ELAPOR1: variants seen among roughly 807,000 people sequenced by gnomAD.
ELAPOR1 encodes the protein endosome/lysosome-associated apoptosis and autophagy regulator 1.
A neutral mutation model predicts 119.7 loss-of-function variants in ELAPOR1; 77 were observed. The observed-to-expected ratio is 0.64, with a 90% CI of 0.54 to 0.78. The LOEUF is 0.78. Among genes scored for constraint, ELAPOR1 ranks in the 30% least tolerant of loss-of-function variants. The pLI, the probability that ELAPOR1 is intolerant of heterozygous loss-of-function variation, is 0.00. For synonymous variants in ELAPOR1, 481 were observed against 487.2 expected, an observed-to-expected ratio of 0.99 and a Z score of 0.17; for missense variants, 1,115 against 1,270.4, an observed-to-expected ratio of 0.88 and a Z score of 1.86.
intron 13 of ELAPOR1, 101 bp downstream of exon 13, chr1:109,191,964 G>A (rs1461180218): frequency 2.1e-6 from 3 of 1,423,792 alleles, no homozygotes; most frequent in Non-Finnish European, 2.9e-6. Context: ...AGAATCTGAG[G>A]GTTAGAAGGA....
chr1:109,191,579 C>T, intron 12 of ELAPOR1, 108 bp downstream of exon 12: 1 of 1,391,574 alleles, frequency 7.2e-7, no homozygotes, highest in Non-Finnish European at 1.0e-6. Flanking sequence ...AGTGATTCCA[C>T]AGAGGAAAGG....
chr1:109,125,802 A>C (rs1648742906), intron 1 of ELAPOR1, among the ~76,000 whole-genome samples: 1 of 152,254 alleles, frequency 6.6e-6, no homozygotes, highest in East Asian at 1.9e-4. Context: ...CCACCACTAC[A>C]GCAAGATGAC....
Position 109,205,065 on chromosome 1 carries a change from T to C in ELAPOR1, c.*2053T>C, listed in dbSNP as rs1226332568. The C allele has an allele frequency of 2.0e-5, 3 of 152,222 alleles. No individual in the cohort carries two copies. The highest frequency in any genetic ancestry group is 7.2e-5 in the African/African-American group (3 of 41,458). 9.4% of individuals were successfully genotyped at this position (152,222 alleles called of 1,614,324 possible). On this transcript the variant is annotated 3_prime_UTR_variant, in exon 22 of 22. Coordinates refer to ENST00000369939, the MANE Select transcript of ELAPOR1 (RefSeq NM_020775.5). ...AGGTGAGTAGAGTGGGTGTCTTCTA[T>C]GCCCATTTTCCCCAATTTTACACAA...
intron 7 of ELAPOR1, among the ~76,000 whole-genome samples, chr1:109,174,709 A>C (rs1385329009): frequency 6.6e-6 from 1 of 151,982 alleles, no homozygotes; most frequent in Non-Finnish European, 1.5e-5. Flanking sequence ...GAAGCTAAGG[A>C]AAGGGTTGCA....
At chr1:109,202,635 C>T (rs547784109) in intron 21 of ELAPOR1, among the ~76,000 whole-genome samples, 103 of 149,438 alleles carry the variant, frequency 6.9e-4, no homozygotes, top group African/African-American at 2.3e-3. Context: ...GAGACAGGGT[C>T]TCACCATGTT....
At chr1:109,182,405 G>A (rs1345375084) in intron 7 of ELAPOR1, among the ~76,000 whole-genome samples, 1 of 151,946 alleles carries the variant, frequency 6.6e-6, no homozygotes, top group Admixed American at 6.6e-5. Flanking sequence ...TATCTAGTGA[G>A]TATCTACTTA....
intron 1 of ELAPOR1, among the ~76,000 whole-genome samples, chr1:109,144,061 A>ATTTTTT (rs71069655): frequency 1.6e-4 from 14 of 89,014 alleles, no homozygotes; most frequent in South Asian, 3.5e-4. Flanking sequence ...ATATTTATAT[A>ATTTTTT]TTTTTTTTTT....
At chr1:109,120,486 A>G (rs1057244300) in intron 1 of ELAPOR1, among the ~76,000 whole-genome samples, 2 of 152,166 alleles carry the variant, frequency 1.3e-5, no homozygotes, top group Non-Finnish European at 2.9e-5. Context: ...AGACAGCACC[A>G]TCTCTGAGGA....
Position 109,205,160 on chromosome 1 carries a change from C to G in ELAPOR1, c.*2148C>G, listed in dbSNP as rs1446802800. 1 of 152,194 alleles carries G rather than the reference C, an allele frequency of 6.6e-6. No individual in the cohort carries two copies. The highest frequency in any genetic ancestry group is 2.4e-5 in the African/African-American group (1 of 41,434). The allele number at this position is 152,194 out of a possible 1,614,324, so 9.4% of individuals were successfully genotyped here. A position where few individuals can be genotyped will look rare whatever the true frequency, so the allele number is the denominator to read the frequency against. On this transcript the variant is annotated 3_prime_UTR_variant, in exon 22 of 22. Coordinates refer to ENST00000369939, the MANE Select transcript of ELAPOR1 (RefSeq NM_020775.5). ...GAGCAAGACTTTAAATTACCTTCTT[C>G]TTTCTTCTACTGGCAGTTCTGCCTC...
intron 1 of ELAPOR1, among the ~76,000 whole-genome samples, chr1:109,140,603 A>G (rs2100997853): frequency 1.3e-5 from 2 of 152,318 alleles, no homozygotes; most frequent in South Asian, 4.1e-4. Context: ...TGACTTCATC[A>G]GTAGCAATGC....
chr1:109,160,894 TTTG>T (rs1045345986), intron 1 of ELAPOR1, among the ~76,000 whole-genome samples: 5 of 152,310 alleles, frequency 3.3e-5, no homozygotes, highest in East Asian at 1.9e-4. Flanking sequence ...AGTGGAACTG[TTTG>T]TTGTTGTTGT....
chr1:109,192,984 C>T, intron 14 of ELAPOR1, 110 bp downstream of exon 14: 3 of 1,228,362 alleles, frequency 2.4e-6, no homozygotes, highest in Admixed American at 4.7e-5. Flanking sequence ...AGTGCTCCCC[C>T]TAGCATACTC....
rs763673300 is a variant in ELAPOR1, at chr1:109,200,878, A to G, written c.2951A>G (p.Lys984Arg). ...ACCAGCAAGAAGTCACTCTTTGGGA[A>G]GATCAAATCATTTACCTCCAAGGTA... ...IFTSKKSLFG[K>R]IKSFTSKRTP... The change falls in exon 21 of 22, where the codon AAG becomes AGG. Residue 984 changes from lysine (K) to arginine (R), a missense_variant. Transcript: ENST00000369939. 1 of 1,614,114 alleles carries G rather than the reference A, an allele frequency of 6.2e-7. No individual in the cohort carries two copies. Among genetic ancestry groups the G allele is most frequent in the South Asian group, 1.1e-5 (1 of 91,076 alleles).
Position 109,198,504 on chromosome 1 carries a change from T to C in ELAPOR1, c.2400-69T>C, listed in dbSNP as rs1653965103. On this transcript the variant is annotated intron_variant, in intron 17 of 21. Coordinates refer to ENST00000369939, the MANE Select transcript of ELAPOR1 (RefSeq NM_020775.5). ...GCAAGGGAATTGCTCCATGCGGATT[T>C]CTCTTGGTGGCTGTCCAATAACACA... 2.1e-6 allele frequency: 3 copies of C among 1,399,010 alleles called. No homozygotes were observed. The African/African-American group carries it at 4.3e-5, about 20-fold the overall frequency. 86.7% of individuals were successfully genotyped at this position (1,399,010 alleles called of 1,614,324 possible). A position where few individuals can be genotyped will look rare whatever the true frequency, so the allele number is the denominator to read the frequency against.
chr1:109,171,851 C>G lies in ELAPOR1; in HGVS notation c.468-15C>G, dbSNP rs1250741649. 1.9e-6 allele frequency: 3 copies of G among 1,613,832 alleles called. No homozygotes were observed. Among genetic ancestry groups the G allele is most frequent in the Non-Finnish European group, 2.5e-6 (3 of 1,179,894 alleles). ...TGTGCTCCTGCCTGTGAACCTGGTT[C>G]CTGTTCCTTCACAGGTCCAAGTGGG... On this transcript the variant is annotated splice_polypyrimidine_tract_variant and intron_variant, in intron 3 of 21. Transcript: ENST00000369939.
intron 17 of ELAPOR1, 80 bp downstream of exon 17, chr1:109,198,155 C>T (rs1385856176): frequency 1.8e-6 from 2 of 1,088,560 alleles, no homozygotes; most frequent in Non-Finnish European, 2.8e-6. Context: ...CCTCTCTAGC[C>T]ACCTACTGCT....
rs766948061 is a variant in ELAPOR1, at chr1:109,161,897, G to A, written c.157G>A (p.Glu53Lys). The change falls in exon 2 of 22, where the codon GAG becomes AAG. Residue 53 changes from glutamate to lysine, a missense_variant. Coordinates refer to ENST00000369939, the MANE Select transcript of ELAPOR1 (RefSeq NM_020775.5). Reference sequence around the variant, plus strand: ...CCCACTGTTCTCTCCCCTGCAGTCTGAGTACCACTATGAGTACACGGCGTG... The same window carrying A: ...CCCACTGTTCTCTCCCCTGCAGTCTAAGTACCACTATGAGTACACGGCGTG... The part of the protein sequence containing the change: ...GPELHACKES[E>K]YHYEYTACDS... 2 of 1,611,314 alleles carry A rather than the reference G, an allele frequency of 1.2e-6. No individual in the cohort carries two copies. The highest frequency in any genetic ancestry group is 3.3e-5 in the Admixed American group (2 of 59,992).
chr1:109,125,700 A>G (rs1026007482), intron 1 of ELAPOR1, among the ~76,000 whole-genome samples: 43 of 152,194 alleles, frequency 2.8e-4, no homozygotes, highest in Non-Finnish European at 1.0e-4. Context: ...TCTGTTTTTA[A>G]TCCTGCACAA....
chr1:109,177,407 A>C (rs1471671736), intron 7 of ELAPOR1, among the ~76,000 whole-genome samples: 1 of 117,186 alleles, frequency 8.5e-6, no homozygotes, highest in Non-Finnish European at 1.7e-5. Flanking sequence ...GACGCTCCTC[A>C]CATCCTGGAC....
Sources: allele counts gnomAD v4.1 joint callset (sites outside exome capture counted in the v4.1 genomes callset), GRCh38; gene constraint gnomAD v4.1.1; transcripts MANE v1.5; gene names NCBI Gene and HGNC (gene_info 2026-07-23, HGNC 2026-07-21).